The following CFI variants were observed in gnomAD, a reference collection of about 807,000 sequenced individuals.
CFI encodes the protein complement factor I.
A neutral mutation model predicts 78.8 loss-of-function variants in CFI; 66 were observed. The ratio of observed to expected loss-of-function variants is 0.84; its 90% CI spans 0.69 to 1.03. The LOEUF (loss-of-function observed/expected upper bound fraction) is 1.03. CFI is among the 50% of genes least tolerant of loss of function. The pLI is 0.00. For missense variants in CFI, 706 were observed against 704.5 expected (o/e 1.00, Z -0.02); for synonymous variants, 250 against 232.6 (o/e 1.07, Z -0.68).
intron 4 of CFI, 28 bp downstream of exon 4, chr4:109,761,489 G>T (rs1727047975): frequency 2.5e-6 from 4 of 1,610,526 alleles, no homozygotes; most frequent in Non-Finnish European, 2.5e-6. Context: ...TCAAGGAAGG[G>T]AAAATAACAG....
chr4:109,790,026 C>T (rs1266929378), intron 1 of CFI, among the ~76,000 whole-genome samples: 1 of 151,876 alleles, frequency 6.6e-6, no homozygotes, highest in Non-Finnish European at 1.5e-5. Flanking sequence ...TCTAATTCTT[C>T]TTGAATTAGT....
intron 1 of CFI, among the ~76,000 whole-genome samples, chr4:109,777,725 G>A (rs544186803): frequency 1.0e-3 from 153 of 152,110 alleles, no homozygotes; most frequent in Non-Finnish European, 1.5e-3. Flanking sequence ...TGACCACATA[G>A]TTGGAAGTAA....
At chr4:109,774,041 T>A (rs975051415) in intron 1 of CFI, among the ~76,000 whole-genome samples, 1 of 152,250 alleles carries the variant, frequency 6.6e-6, no homozygotes, top group African/African-American at 2.4e-5. Flanking sequence ...GAAATTTTAT[T>A]GATTTATATG....
chr4:109,776,094 CGG>C (rs1729200431), intron 1 of CFI, among the ~76,000 whole-genome samples: 1 of 152,076 alleles, frequency 6.6e-6, no homozygotes, highest in Non-Finnish European at 1.5e-5. Flanking sequence ...TTGCCAGCAA[CGG>C]AACAAAGCTG....
rs1262954164 is a variant in CFI at position 109,784,162 on chromosome 4, C to G, written c.58-17338G>C. 3.3e-5 allele frequency among the ~76,000 whole-genome samples: 5 copies of G among 151,902 alleles called. No individual in the cohort carries two copies. The East Asian group carries it at 9.7e-4, about 29-fold the overall frequency. On this transcript the variant is annotated intron_variant, in intron 1 of 12. Transcript: ENST00000394634. Reference sequence around the variant, plus strand: ...ACTTGCTCATGTAACCAAATACCACCTGTACCCTAATAACTAATGGAAAAA... The same window carrying G: ...ACTTGCTCATGTAACCAAATACCACGTGTACCCTAATAACTAATGGAAAAA...
chr4:109,776,413 G>A (rs188749907), intron 1 of CFI, among the ~76,000 whole-genome samples: 11 of 152,226 alleles, frequency 7.2e-5, no homozygotes, highest in Admixed American at 2.6e-4. Context: ...GAGAAGAGAC[G>A]TTTAGAGAAA....
intron 1 of CFI, among the ~76,000 whole-genome samples, chr4:109,783,436 C>T (rs1338178290): frequency 3.9e-5 from 6 of 152,020 alleles, no homozygotes; most frequent in African/African-American, 1.4e-4. Flanking sequence ...CTCAACATCA[C>T]TAATGACCAG....
intron 1 of CFI, among the ~76,000 whole-genome samples, chr4:109,780,924 A>C (rs1376834955): frequency 6.6e-6 from 1 of 152,106 alleles, no homozygotes; most frequent in Admixed American, 6.5e-5. Flanking sequence ...GCATGTTCTC[A>C]CTCACAGGTG....
At position 109,756,888 on chromosome 4, in the gene CFI, G is replaced by GGAAAGAAGAAAGAAA. The variant is rs1324695990; in HGVS notation, c.904+874_904+875insTTTCTTTCTTCTTTC. Among the ~76,000 whole-genome samples, 204 of 57,908 alleles carry GGAAAGAAGAAAGAAA rather than the reference G, an allele frequency of 3.5e-3. 10 individuals are homozygous for GGAAAGAAGAAAGAAA. Among genetic ancestry groups the GGAAAGAAGAAAGAAA allele is most frequent in the African/African-American group, 0.015 (195 of 13,348 alleles). 38.0% of individuals were successfully genotyped at this position (57,908 alleles called of 152,430 possible). On this transcript the variant is annotated intron_variant, in intron 7 of 12. Coordinates refer to ENST00000394634, the MANE Select transcript of CFI (RefSeq NM_000204.5). The stretch of plus-strand genomic sequence containing the variant: ...CTCCGTCTCGAAAGAAAGAAAGAAA[G>GGAAAGAAGAAAGAAA]GAAAGAAAGAAAGAAAGAAAGAAAG...
chr4:109,790,274 A>G (rs900415172), intron 1 of CFI, among the ~76,000 whole-genome samples: 3 of 151,826 alleles, frequency 2.0e-5, no homozygotes, highest in Non-Finnish European at 4.4e-5. Flanking sequence ...GATTTCATTG[A>G]TTCTATTGTC....
chr4:109,783,811 T>TAATATATATATATATATATA (rs750346105), intron 1 of CFI, among the ~76,000 whole-genome samples: 30 of 105,818 alleles, frequency 2.8e-4, no homozygotes, highest in African/African-American at 9.8e-4. Flanking sequence ...AAAGAAACTG[T>TAATATATATATATATATATA]GATATATATA....
chr4:109,738,356 C>T (rs1723492843), downstream of CFI, among the ~76,000 whole-genome samples: 1 of 152,102 alleles, frequency 6.6e-6, no homozygotes, highest in Admixed American at 6.6e-5. Flanking sequence ...AAATGATCCA[C>T]CAACTTTGGT....
intron 1 of CFI, among the ~76,000 whole-genome samples, chr4:109,783,693 T>C (rs1373457351): frequency 6.6e-6 from 1 of 151,202 alleles, no homozygotes; most frequent in African/African-American, 2.4e-5. Flanking sequence ...CAGAGGAAAA[T>C]AAGTTATTAT....
intron 1 of CFI, among the ~76,000 whole-genome samples, chr4:109,770,480 C>T (rs898725511): frequency 1.3e-5 from 2 of 151,372 alleles, no homozygotes; most frequent in African/African-American, 4.9e-5. Context: ...CACTTGAACC[C>T]GGGAGGTGGA....
At chr4:109,742,771 G>C (rs1353998910) in intron 11 of CFI, among the ~76,000 whole-genome samples, 176 bp from the exon 12 acceptor site, 1 of 152,114 alleles carries the variant, frequency 6.6e-6, no homozygotes, top group African/African-American at 2.4e-5. Flanking sequence ...TCTAAAATTG[G>C]ATGGATAGTC....
chr4:109,767,028 G>T (rs2126225144), intron 1 of CFI, among the ~76,000 whole-genome samples: 1 of 152,222 alleles, frequency 6.6e-6, no homozygotes, highest in Non-Finnish European at 1.5e-5. Flanking sequence ...CAAGAAATGG[G>T]GAAAGGATTC....
Position 109,777,725 on chromosome 4 carries a change from G to T in CFI, c.58-10901C>A, listed in dbSNP as rs544186803. Among the ~76,000 whole-genome samples the T allele has an allele frequency of 1.1e-4, 16 of 152,112 alleles. No homozygotes were observed. The South Asian group carries it at 2.5e-3, about 24-fold the overall frequency. ...CACTTATTCCAAAACTGACCACATA[G>T]TTGGAAGTAAAGCACTCCTCAGCAA... On this transcript the variant is annotated intron_variant, in intron 1 of 12. Coordinates refer to ENST00000394634, the MANE Select transcript of CFI (RefSeq NM_000204.5).
At chr4:109,746,123 ATGCTTCTC>A (rs1724384191) in intron 11 of CFI, 91 bp downstream of exon 11, 4 of 1,367,800 alleles carry the variant, frequency 2.9e-6, no homozygotes, top group Non-Finnish European at 4.1e-6. Flanking sequence ...ATATGATGTT[ATGCTTCTC>A]TCTGAGTGCT....
chr4:109,795,710 T>C (rs528469448), intron 1 of CFI, among the ~76,000 whole-genome samples: 13 of 151,874 alleles, frequency 8.6e-5, no homozygotes, highest in African/African-American at 3.1e-4. Context: ...AATAATACAA[T>C]AAAGGAACTG....
Sources: gnomAD v4.1 joint callset for allele counts (sites outside exome capture counted in the v4.1 genomes callset) on GRCh38, gnomAD v4.1.1 for gene constraint, MANE v1.5 for transcripts, NCBI Gene and HGNC (gene_info 2026-07-23, HGNC 2026-07-21) for gene names.